ADAD2: variants seen among roughly 807,000 people sequenced by gnomAD.
The protein encoded by ADAD2 is adenosine deaminase domain-containing protein 2.
ADAD2 carries 60 observed loss-of-function variants against 54.5 expected under a neutral mutation model. The observed-to-expected ratio is 1.10, with a 90% CI of 0.89 to 1.36. The LOEUF (loss-of-function observed/expected upper bound fraction) is 1.36. Ranked by LOEUF, ADAD2 falls within the 40% of genes most tolerant of loss-of-function variation. The pLI, the probability that ADAD2 is intolerant of heterozygous loss-of-function variation, is 0.00. For missense variants in ADAD2, 1,103 were observed against 801.3 expected, an observed-to-expected ratio of 1.38 and a Z score of -4.54; for synonymous variants, 543 against 366.2, an observed-to-expected ratio of 1.48 and a Z score of -5.51.
intron 7 of ADAD2, 21 bp downstream of exon 7, chr16:84,196,065 G>A (rs765855312): frequency 3.8e-6 from 6 of 1,598,798 alleles, no homozygotes; most frequent in Middle Eastern, 3.3e-4. Flanking sequence ...GGTGAGGGCT[G>A]GGGGGGTGAG....
At position 84,191,431 on chromosome 16, in the gene ADAD2, T is replaced by C. The variant is rs1267679002; in HGVS notation, c.201T>C (p.Ser67=). The part of the protein sequence containing the change: ...GWPQVSVLRD[S]GPGAGAGVGE... ...CCCAGGTCTCGGTGTTGAGGGACAG[T>C]GGGCCTGGGGCAGGGGCCGGAGTCG... is the stretch of plus-strand genomic sequence containing the variant. Residue 67 remains serine (S), a synonymous_variant, in exon 1 of 10, where the codon AGT becomes AGC. Transcript: ENST00000315906. The C allele has an allele frequency of 2.7e-6, 4 of 1,506,692 alleles. No individual in the cohort carries two copies. The highest frequency in any genetic ancestry group is 3.5e-6 in the Non-Finnish European group (4 of 1,131,140). 93.3% of individuals were successfully genotyped at this position (1,506,692 alleles called of 1,614,324 possible). A position where few individuals can be genotyped will look rare whatever the true frequency, so the allele number is the denominator to read the frequency against.
rs376317175 is a variant in ADAD2 at position 84,195,717 on chromosome 16, C to T, written c.1052+20C>T. 2.0e-6 allele frequency: 3 copies of T among 1,529,834 alleles called. No homozygotes were observed. The highest frequency in any genetic ancestry group is 2.1e-5 in the Admixed American group (1 of 46,908). 94.8% of individuals were successfully genotyped at this position (1,529,834 alleles called of 1,614,324 possible). On this transcript the variant is annotated intron_variant, in intron 6 of 9. Transcript: ENST00000315906. ...CATCTAGTATGCAGGGCCCCCGGGG[C>T]AGGCGGGGGATGGGGCTCCCTCGGT...
Position 84,195,280 on chromosome 16 carries a change from G to A in ADAD2, c.734-16G>A. ...CCTTGCCTTAGGCTGGGCCGTCTCTGCCCCCTCCTGCACAGAGATCCCGCG... is the reference window on the plus strand; with the variant it reads ...CCTTGCCTTAGGCTGGGCCGTCTCTACCCCCTCCTGCACAGAGATCCCGCG... On this transcript the variant is annotated splice_polypyrimidine_tract_variant and intron_variant, in intron 4 of 9. Transcript: ENST00000315906. 6.2e-7 allele frequency: 1 copy of A among 1,612,028 alleles called. No homozygotes were observed. The highest frequency in any genetic ancestry group is 8.5e-7 in the Non-Finnish European group (1 of 1,179,816).
intron 1 of ADAD2, 180 bp downstream of exon 1, chr16:84,191,828 A>T: frequency 1.2e-6 from 1 of 849,960 alleles, no homozygotes; most frequent in Middle Eastern, 2.8e-4. Context: ...GTGAGCAGCG[A>T]TCTCCAAGGA....
intron 1 of ADAD2, 180 bp downstream of exon 1, chr16:84,191,828 ATCT>A: frequency 1.2e-6 from 1 of 849,960 alleles, no homozygotes; most frequent in Non-Finnish European, 1.9e-6. Flanking sequence ...GTGAGCAGCG[ATCT>A]CCAAGGATCA....
chr16:84,194,607 T>A (rs1297894534), intron 2 of ADAD2, 25 bp downstream of exon 2: 9 of 1,589,030 alleles, frequency 5.7e-6, no homozygotes, highest in African/African-American at 1.3e-5. Context: ...GCCAGGCAGC[T>A]GAGCCGCAGC....
chr16:84,191,338 C>G lies in ADAD2; in HGVS notation c.108C>G (p.Pro36=), dbSNP rs759617236. ...SPQPRPWRPL[P]AQAQSAWGPA... is the part of the protein sequence containing the mutation. ...AGCCCCGCCCCTGGCGACCGCTACC[C>G]GCCCAGGCCCAAAGTGCCTGGGGGC... is the stretch of plus-strand genomic sequence containing the variant. Residue 36 remains proline (P), a synonymous_variant, in exon 1 of 10, where the codon CCC becomes CCG. Coordinates refer to ENST00000315906, the MANE Select transcript of ADAD2 (RefSeq NM_001145400.2). The G allele has an allele frequency of 7.6e-6, 12 of 1,575,696 alleles. No homozygotes were observed. The highest frequency in any genetic ancestry group is 2.7e-5 in the African/African-American group (2 of 73,372).
chr16:84,194,416 G>A (rs1182477309), intron 1 of ADAD2, 26 bp from the exon 2 acceptor site: 2 of 1,596,790 alleles, frequency 1.3e-6, no homozygotes, highest in Admixed American at 1.7e-5. Flanking sequence ...CCAGGGGGCT[G>A]CTTCCTCACC....
Position 84,194,560 on chromosome 16 carries a change from C to T in ADAD2, c.537C>T (p.Ile179=). 1 of 1,607,142 alleles carries T rather than the reference C, an allele frequency of 6.2e-7. No homozygotes were observed. The highest frequency in any genetic ancestry group is 1.1e-5 in the South Asian group (1 of 89,518). ...QQAALSALCY[I]RSQLENPESP... ...CAGCGCTCTCTGCCCTCTGCTACAT[C>T]CGGAGTCAGCTGGAGAACCCAGGTA... is the stretch of plus-strand genomic sequence containing the variant. The change falls in exon 2 of 10, where the codon ATC becomes ATT. Residue 179 remains isoleucine, a synonymous_variant. Coordinates refer to ENST00000315906, the MANE Select transcript of ADAD2 (RefSeq NM_001145400.2).
intron 1 of ADAD2, 116 bp from the exon 2 acceptor site, chr16:84,194,326 G>C (rs1236854566): frequency 6.5e-7 from 1 of 1,544,066 alleles, no homozygotes; most frequent in African/African-American, 1.4e-5. Flanking sequence ...GGGAAGGGTG[G>C]TGAGGGTCTC....
chr16:84,192,285 C>G (rs1015667107), intron 1 of ADAD2, among the ~76,000 whole-genome samples: 6 of 152,148 alleles, frequency 3.9e-5, no homozygotes, highest in African/African-American at 1.4e-4. Flanking sequence ...GCTGGGACTA[C>G]AGGTGGACTC....
intron 1 of ADAD2, 83 bp from the exon 2 acceptor site, chr16:84,194,359 T>C (rs1462010412): frequency 3.9e-6 from 6 of 1,554,880 alleles, no homozygotes; most frequent in Non-Finnish European, 5.2e-6. Context: ...GTCCTCGATA[T>C]CAGGTGTCAG....
chr16:84,194,694 C>T (rs867294093), intron 2 of ADAD2, 112 bp downstream of exon 2: 1 of 1,505,734 alleles, frequency 6.6e-7, no homozygotes, highest in South Asian at 1.2e-5. Flanking sequence ...AGGTGGGTTG[C>T]TGTACAAACC....
At position 84,195,656 on chromosome 16, in the gene ADAD2, C is replaced by G; in HGVS notation, c.1011C>G (p.Leu337=). 6.3e-7 allele frequency: 1 copy of G among 1,591,084 alleles called. No individual in the cohort carries two copies. The highest frequency in any genetic ancestry group is 8.5e-7 in the Non-Finnish European group (1 of 1,170,658). The change falls in exon 6 of 10, where the codon CTC becomes CTG. Residue 337 remains leucine (L), a synonymous_variant. Transcript: ENST00000315906. The part of the protein sequence containing the change: ...FTLKPRVFLH[L]YISNTPKGAA... ...TCAAGCCCCGCGTCTTCCTGCACCT[C>G]TACATCAGCAACACCCCCAAGGGCG...
At chr16:84,191,824 A>T in intron 1 of ADAD2, 176 bp downstream of exon 1, 1 of 901,308 alleles carries the variant, frequency 1.1e-6, no homozygotes, top group Non-Finnish European at 1.8e-6. Flanking sequence ...TGCTGTGAGC[A>T]GCGATCTCCA....
In ADAD2 at chr16:84,196,108, T is replaced by A. The variant is rs771801333; in HGVS notation, c.1283-19T>A. ...GGCAGGGAGGTCACTCACCTTGTCC[T>A]GTCCCTTCTGCCCTGCAGCTGACTC... On this transcript the variant is annotated intron_variant, in intron 7 of 9. Coordinates refer to ENST00000315906, the MANE Select transcript of ADAD2 (RefSeq NM_001145400.2). The A allele has an allele frequency of 6.2e-7, 1 of 1,600,632 alleles. No homozygotes were observed. Among genetic ancestry groups the A allele is most frequent in the East Asian group, 2.2e-5 (1 of 44,844 alleles).
rs369940640 is a variant in ADAD2 at position 84,195,806 on chromosome 16, G to T, written c.1053-9G>T. 3 of 1,592,430 alleles carry T rather than the reference G, an allele frequency of 1.9e-6. No individual in the cohort carries two copies. Among genetic ancestry groups the T allele is most frequent in the Non-Finnish European group, 2.6e-6 (3 of 1,169,270 alleles). On this transcript the variant is annotated splice_polypyrimidine_tract_variant and intron_variant, in intron 6 of 9. Coordinates refer to ENST00000315906, the MANE Select transcript of ADAD2 (RefSeq NM_001145400.2). ...CTGAAGCTGATGTCTGTCCCCACCC[G>T]GCCCGCAGCCTGCCCCCCACCTCGG...
intron 1 of ADAD2, chr16:84,193,866 A>C (rs1402033981): frequency 9.9e-6 from 9 of 906,680 alleles, no homozygotes; most frequent in Non-Finnish European, 6.5e-6. Flanking sequence ...AAACCCCCAG[A>C]GGGGCAGTCC....
At chr16:84,193,012 T>C (rs2089675336) in intron 1 of ADAD2, 1 of 151,620 alleles carries the variant, frequency 6.6e-6, no homozygotes, top group Non-Finnish European at 1.5e-5. Flanking sequence ...GCCCAGCTAA[T>C]TTTTTTGTGT....
Sources: allele counts gnomAD v4.1 joint callset (sites outside exome capture counted in the v4.1 genomes callset), GRCh38; gene constraint gnomAD v4.1.1; transcripts MANE v1.5; gene names NCBI Gene and HGNC (gene_info 2026-07-23, HGNC 2026-07-21).